The following RP1L1 variants were observed in gnomAD, a reference collection of about 807,000 sequenced individuals.
RP1L1 encodes RP1 like 1, also known as retinitis pigmentosa 1-like 1 protein.
A neutral mutation model predicts 15.7 loss-of-function variants in RP1L1; 27 were observed. The observed-to-expected ratio is 1.72, with a 90% CI of 1.27 to 2.38. RP1L1 has a LOEUF of 2.38. Ranked by LOEUF, RP1L1 falls within the 30% of genes most tolerant of loss-of-function variation. RP1L1 has a pLI of 0.00. For missense variants in RP1L1, 4,798 were observed against 3,075.9 expected, an observed-to-expected ratio of 1.56 and a Z score of -13.24; for synonymous variants, 1,813 against 1,276.7, an observed-to-expected ratio of 1.42 and a Z score of -8.96.
At chr8:10,643,092 T>C (rs995095662) in intron 1 of RP1L1, among the ~76,000 whole-genome samples, 4 of 152,142 alleles carry the variant, frequency 2.6e-5, no homozygotes, top group Non-Finnish European at 5.9e-5. Context: ...ATCCCAGCAC[T>C]TTGGGAGGCC....
At chr8:10,632,158 C>T (rs895803917) in intron 1 of RP1L1, among the ~76,000 whole-genome samples, 3 of 152,302 alleles carry the variant, frequency 2.0e-5, no homozygotes, top group Admixed American at 1.3e-4. Flanking sequence ...TGGTTTTGCA[C>T]TCCTGCCCTG....
At chr8:10,644,220 G>C (rs980727606) in intron 1 of RP1L1, among the ~76,000 whole-genome samples, 2 of 151,610 alleles carry the variant, frequency 1.3e-5, no homozygotes, top group African/African-American at 4.9e-5. Flanking sequence ...CGAGTGACCA[G>C]CATGCTGGTC....
intron 3 of RP1L1, among the ~76,000 whole-genome samples, chr8:10,615,265 G>A (rs188729096): frequency 2.0e-4 from 31 of 152,248 alleles, no homozygotes; most frequent in African/African-American, 5.1e-4. Flanking sequence ...TTGTTTACTC[G>A]CCAAATTTTT....
Position 10,611,224 on chromosome 8 carries a change from G to C in RP1L1, c.2874C>G (p.Arg958=). The part of the protein sequence containing the change: ...LPRSSPEAVV[R]EWLDNIPEEP... Reference sequence around the variant, plus strand: ...CTTCTGGAATGTTGTCCAGCCATTCGCGGACCACAGCCTCTGGAGACGAGC... The same window carrying C: ...CTTCTGGAATGTTGTCCAGCCATTCCCGGACCACAGCCTCTGGAGACGAGC... The change falls in exon 4 of 4, where the codon CGC becomes CGG. Residue 958 remains arginine, a synonymous_variant. Coordinates refer to ENST00000382483, the MANE Select transcript of RP1L1 (RefSeq NM_178857.6). 6.2e-7 allele frequency: 1 copy of C among 1,612,916 alleles called. No individual in the cohort carries two copies. The highest frequency in any genetic ancestry group is 1.1e-5 in the South Asian group (1 of 91,076).
At chr8:10,653,695 A>T (rs1798596772) in intron 1 of RP1L1, among the ~76,000 whole-genome samples, 1 of 152,116 alleles carries the variant, frequency 6.6e-6, no homozygotes, top group South Asian at 2.1e-4. Flanking sequence ...GGTTCAGAAA[A>T]CGGCAACCAG....
intron 1 of RP1L1, among the ~76,000 whole-genome samples, chr8:10,640,951 T>C (rs1286476430): frequency 6.6e-6 from 1 of 152,118 alleles, no homozygotes; most frequent in African/African-American, 2.4e-5. Context: ...TTGTATTTTT[T>C]GTAGAGAGGA....
In RP1L1 at chr8:10,621,936, A is replaced by G. The variant is rs1019172798; in HGVS notation, c.609+657T>C. ...AACATGAAGCCCTCCAACGCCCTGT[A>G]TTAAATCACTTTCTACTTAAGGTAA... On this transcript the variant is annotated intron_variant, in intron 2 of 3. Transcript: ENST00000382483. 3.3e-5 allele frequency among the ~76,000 whole-genome samples: 5 copies of G among 152,188 alleles called. No individual in the cohort carries two copies. In the South Asian group the frequency reaches 8.3e-4, roughly 25 times the overall value.
At chr8:10,621,912 A>G in intron 2 of RP1L1, 1 of 399,370 alleles carries the variant, frequency 2.5e-6, no homozygotes, top group Non-Finnish European at 5.0e-6. Flanking sequence ...GGCTTCCCAA[A>G]CATGAAGCCC....
intron 2 of RP1L1, among the ~76,000 whole-genome samples, chr8:10,620,699 T>A (rs549005113): frequency 6.6e-6 from 1 of 152,280 alleles, no homozygotes; most frequent in South Asian, 2.1e-4. Flanking sequence ...AATGAGCCAA[T>A]AGGCAACAAG....
At chr8:10,648,916 G>A (rs1320768493) in intron 1 of RP1L1, among the ~76,000 whole-genome samples, 1 of 152,214 alleles carries the variant, frequency 6.6e-6, no homozygotes, top group Non-Finnish European at 1.5e-5. Context: ...TTCCCATGAT[G>A]CTTCACAGGA....
chr8:10,613,030 G>C lies in RP1L1; in HGVS notation c.1068C>G (p.Asp356Glu). The change falls in exon 4 of 4, where the codon GAC (aspartate) becomes GAG (glutamate). Residue 356 changes from aspartate to glutamate, a missense_variant. Transcript: ENST00000382483. ...ASALTAASGEDPVLGEVDPLC... is the reference protein window; with the variant it reads ...ASALTAASGEEPVLGEVDPLC... ...GGGGGTCTACCTCCCCCAGAACGGG[G>C]TCTTCCCCACTGGCTGCCGTGAGGG... is the stretch of plus-strand genomic sequence containing the variant. The C allele has an allele frequency of 6.2e-7, 1 of 1,613,546 alleles. No individual in the cohort carries two copies. The highest frequency in any genetic ancestry group is 2.2e-5 in the East Asian group (1 of 44,866).
In RP1L1 at chr8:10,611,214, C is replaced by T; in HGVS notation, c.2884G>A (p.Asp962Asn). The change falls in exon 4 of 4, where the codon GAC (aspartate) becomes AAC (asparagine). Residue 962 changes from aspartate to asparagine, a missense_variant. Physicochemically the swap from Asp to Asn is conservative, Grantham distance 23. Transcript: ENST00000382483. ...SPEAVVREWLDNIPEEPILMT... is the reference protein window; with the variant it reads ...SPEAVVREWLNNIPEEPILMT... The stretch of plus-strand genomic sequence containing the variant: ...AGTATGGGCTCTTCTGGAATGTTGT[C>T]CAGCCATTCGCGGACCACAGCCTCT... The T allele has an allele frequency of 6.2e-7, 1 of 1,613,020 alleles. No individual in the cohort carries two copies. Among genetic ancestry groups the T allele is most frequent in the Non-Finnish European group, 8.5e-7 (1 of 1,180,020 alleles).
chr8:10,645,962 C>T (rs917365283), intron 1 of RP1L1, among the ~76,000 whole-genome samples: 2 of 152,242 alleles, frequency 1.3e-5, no homozygotes, highest in Admixed American at 6.5e-5. Flanking sequence ...TCCCTTCAAC[C>T]CCCTGCAGGC....
Position 10,608,943 on chromosome 8 carries a change from T to A in RP1L1, c.5155A>T (p.Ser1719Cys), listed in dbSNP as rs1462367418. 1.9e-6 allele frequency: 3 copies of A among 1,613,810 alleles called. No homozygotes were observed. The African/African-American group carries it at 4.0e-5, about 22-fold the overall frequency. ...TCAGCTCCCTGGACAGTCCTAGTGC[T>A]CGTGGGGTCCGTGTGGGTCTTGCCA... is the stretch of plus-strand genomic sequence containing the variant. ...APGKTHTDPT[S>C]TRTVQGAEGG... The change falls in exon 4 of 4, where the codon AGC becomes TGC. Residue 1719 changes from serine to cysteine, a missense_variant. Physicochemically the swap from Ser to Cys is moderately radical, Grantham distance 112. Coordinates refer to ENST00000382483, the MANE Select transcript of RP1L1 (RefSeq NM_178857.6).
chr8:10,646,626 G>A (rs932123264), intron 1 of RP1L1, among the ~76,000 whole-genome samples: 4 of 151,932 alleles, frequency 2.6e-5, no homozygotes, highest in Admixed American at 6.5e-5. Context: ...TGGTGTGGAC[G>A]GAGGGGACCG....
chr8:10,630,261 C>A (rs760855036), intron 1 of RP1L1, among the ~76,000 whole-genome samples: 1 of 152,208 alleles, frequency 6.6e-6, no homozygotes, highest in Non-Finnish European at 1.5e-5. Context: ...CCCATCCACA[C>A]CCCAGGCAGG....
chr8:10,644,771 A>C (rs901379326), intron 1 of RP1L1, among the ~76,000 whole-genome samples: 3 of 152,200 alleles, frequency 2.0e-5, no homozygotes, highest in Admixed American at 2.0e-4. Context: ...CTCGCCCTGC[A>C]GAGAGGCCTA....
chr8:10,638,041 G>A (rs887085867), intron 1 of RP1L1, among the ~76,000 whole-genome samples: 1 of 152,250 alleles, frequency 6.6e-6, no homozygotes, highest in African/African-American at 2.4e-5. Flanking sequence ...AGCAGCTCAG[G>A]AGGCACAGCC....
intron 1 of RP1L1, among the ~76,000 whole-genome samples, chr8:10,651,329 C>G (rs952705962): frequency 2.0e-5 from 3 of 152,226 alleles, no homozygotes; most frequent in African/African-American, 7.2e-5. Context: ...CGCTCTCTCT[C>G]TGATTTGTCT....
Sources: allele counts gnomAD v4.1 joint callset (sites outside exome capture counted in the v4.1 genomes callset), GRCh38; gene constraint gnomAD v4.1.1; transcripts MANE v1.5; gene names NCBI Gene and HGNC (gene_info 2026-07-23, HGNC 2026-07-21).